FBXO16: variants seen among roughly 807,000 people sequenced by gnomAD.
The protein encoded by FBXO16 is F-box only protein 16.
FBXO16 carries 31 observed loss-of-function variants against 41.0 expected under a neutral mutation model. The observed-to-expected ratio is 0.76, with a 90% confidence interval of 0.57 to 1.02. FBXO16 has a LOEUF of 1.02. Ranked by LOEUF, FBXO16 falls within the 50% of genes least tolerant of loss-of-function variation. FBXO16 has a pLI of 0.00. For missense variants in FBXO16, 361 were observed against 346.2 expected, an observed-to-expected ratio of 1.04 and a Z score of -0.34; for synonymous variants, 133 against 117.8, an observed-to-expected ratio of 1.13 and a Z score of -0.84.
intron 1 of FBXO16, among the ~76,000 whole-genome samples, chr8:28,489,202 C>T (rs1434276456): frequency 1.3e-5 from 2 of 151,508 alleles, no homozygotes; most frequent in Non-Finnish European, 2.9e-5. Context: ...ATTAGCAGAG[C>T]GTGGTGGTGT....
Position 28,473,869 on chromosome 8 carries a change from A to T in FBXO16, c.100-62T>A, listed in dbSNP as rs79868079. On this transcript the variant is annotated intron_variant, in intron 2 of 8. Transcript: ENST00000380254. ...ACCATAGTTCAAAATACCCATTACA[A>T]GAAAGATACCATTAAGGGATCGGTG... The T allele has an allele frequency of 6.6e-3, 8,214 of 1,239,526 alleles. 362 individuals are homozygous for T. In the African/African-American group the frequency reaches 0.099, roughly 15 times the overall value. 76.8% of individuals were successfully genotyped at this position (1,239,526 alleles called of 1,614,324 possible). A position where few individuals can be genotyped will look rare whatever the true frequency, so the allele number is the denominator to read the frequency against.
At chr8:28,489,642 G>A (rs1396555720) in intron 1 of FBXO16, among the ~76,000 whole-genome samples, 2 of 151,534 alleles carry the variant, frequency 1.3e-5, no homozygotes, top group African/African-American at 2.4e-5. Flanking sequence ...CAAGGCTGCA[G>A]TGAGCGATGA....
rs1278825099 is a variant in FBXO16, at chr8:28,452,341, C to T, written c.643G>A (p.Ala215Thr). The T allele has an allele frequency of 5.6e-6, 9 of 1,614,172 alleles. No homozygotes were observed. The highest frequency in any genetic ancestry group is 6.8e-6 in the Non-Finnish European group (8 of 1,180,042). ...LRKKNNSGEK[A>T]LPPWRSSDKH... ...TCAGAAGATCGCCAGGGTGGAAGTG[C>T]TTTCTCCCCTGAGTTATTCTTCTTT... The change falls in exon 6 of 9, where the codon GCA (alanine) becomes ACA (threonine). Residue 215 changes from alanine to threonine, a missense_variant. Coordinates refer to ENST00000380254, the MANE Select transcript of FBXO16 (RefSeq NM_172366.4).
chr8:28,463,494 G>A, intron 4 of FBXO16, 118 bp downstream of exon 4: 1 of 947,066 alleles, frequency 1.1e-6, no homozygotes, highest in South Asian at 1.7e-5. Context: ...GTGTTTGTGT[G>A]TATGTGTATA....
chr8:28,441,940 G>A (rs1468991539), intron 7 of FBXO16, among the ~76,000 whole-genome samples: 10,610 of 137,840 alleles, frequency 0.077, 1,425 homozygotes, highest in African/African-American at 0.27. Flanking sequence ...GTGTGTGTGT[G>A]TGTGTATTTT....
At chr8:28,477,572 G>A (rs1803442467) in intron 2 of FBXO16, among the ~76,000 whole-genome samples, 1 of 152,194 alleles carries the variant, frequency 6.6e-6, no homozygotes, top group African/African-American at 2.4e-5. Context: ...ATGTATGGGT[G>A]TGTGTGTATG....
chr8:28,452,171 C>T lies in FBXO16; in HGVS notation c.740+73G>A, dbSNP rs931470730. Reference sequence around the variant, plus strand: ...ATTTCACAGTAAGTTCTATTTCCATCTCTTCGTATACTGAAATGCCAATAA... The same window carrying T: ...ATTTCACAGTAAGTTCTATTTCCATTTCTTCGTATACTGAAATGCCAATAA... On this transcript the variant is annotated intron_variant, in intron 6 of 8. Transcript: ENST00000380254. 2.9e-6 allele frequency: 4 copies of T among 1,384,008 alleles called. No individual in the cohort carries two copies. In the African/African-American group the frequency reaches 5.8e-5, roughly 20 times the overall value. 85.7% of individuals were successfully genotyped at this position (1,384,008 alleles called of 1,614,324 possible).
intron 7 of FBXO16, among the ~76,000 whole-genome samples, chr8:28,429,713 G>C (rs1465599283): frequency 6.6e-6 from 1 of 152,154 alleles, no homozygotes; most frequent in Non-Finnish European, 1.5e-5. Flanking sequence ...GTAAGTCTAT[G>C]AAAATCCTAC....
intron 3 of FBXO16, among the ~76,000 whole-genome samples, chr8:28,470,441 T>C (rs1398621369): frequency 1.3e-5 from 2 of 152,222 alleles, no homozygotes; most frequent in African/African-American, 4.8e-5. Context: ...CCTTTTCATG[T>C]TCTAAATGAA....
At chr8:28,473,487 C>G (rs1778183823) in intron 3 of FBXO16, among the ~76,000 whole-genome samples, 1 of 152,084 alleles carries the variant, frequency 6.6e-6, no homozygotes, top group Admixed American at 6.5e-5. Flanking sequence ...AAGAAGACCC[C>G]AGATAATTCA....
chr8:28,483,727 G>A lies in FBXO16; in HGVS notation c.-16-265C>T, dbSNP rs563587632. 5.9e-5 allele frequency among the ~76,000 whole-genome samples: 9 copies of A among 152,224 alleles called. No individual in the cohort carries two copies. The East Asian group carries it at 1.7e-3, about 29-fold the overall frequency. ...TAGCCGGGCGTGGTGGTGCATGCCT[G>A]TAATCACAGCTACTAGGCAGGAGAG... On this transcript the variant is annotated intron_variant, in intron 1 of 8. Transcript: ENST00000380254.
At chr8:28,474,249 T>C (rs1585917252) in intron 2 of FBXO16, among the ~76,000 whole-genome samples, 1 of 132,738 alleles carries the variant, frequency 7.5e-6, no homozygotes, top group African/African-American at 2.9e-5. Context: ...GCCCGGGGAG[T>C]TGAGGCTGCA....
At chr8:28,454,742 AAAAAAAAAAGG>A (rs1291461916) in intron 5 of FBXO16, among the ~76,000 whole-genome samples, 3 of 104,978 alleles carry the variant, frequency 2.9e-5, no homozygotes, top group African/African-American at 1.2e-4. Context: ...AAAAAAAAAA[AAAAAAAAAAGG>A]ATCATTAATT....
intron 3 of FBXO16, 42 bp downstream of exon 3, chr8:28,473,730 A>T (rs781399169): frequency 6.5e-7 from 1 of 1,538,728 alleles, no homozygotes; most frequent in African/African-American, 1.4e-5. Context: ...ATGAAAACAG[A>T]TAACATAACA....
intron 4 of FBXO16, among the ~76,000 whole-genome samples, chr8:28,463,248 TTG>T (rs540563982): frequency 4.6e-4 from 69 of 151,016 alleles, no homozygotes; most frequent in East Asian, 1.8e-3. Context: ...GTGTACACGT[TTG>T]TGTGTTTGTG....
intron 3 of FBXO16, among the ~76,000 whole-genome samples, chr8:28,472,153 G>A: frequency 6.6e-6 from 1 of 152,120 alleles, no homozygotes; most frequent in Non-Finnish European, 1.5e-5. Flanking sequence ...GAGTGCACCA[G>A]TGCAACAGCT....
chr8:28,465,365 G>A (rs184693524), intron 3 of FBXO16: 248 of 449,846 alleles, frequency 5.5e-4, no homozygotes, highest in Middle Eastern at 9.8e-4. Context: ...GCTCATGTCT[G>A]TAATCTCAGC....
intron 7 of FBXO16, among the ~76,000 whole-genome samples, chr8:28,438,035 G>A (rs1341226787): frequency 6.6e-6 from 1 of 152,172 alleles, no homozygotes; most frequent in Non-Finnish European, 1.5e-5. Context: ...GACTATAAGG[G>A]CCAGGTGCAG....
intron 1 of FBXO16, among the ~76,000 whole-genome samples, chr8:28,489,716 C>CCA (rs1554529610): frequency 0.28 from 24,421 of 88,150 alleles, 2,502 homozygotes; most frequent in Non-Finnish European, 0.36. Context: ...CAAAAACCAA[C>CCA]AAAAAAAAAA....
Sources: allele counts gnomAD v4.1 joint callset (sites outside exome capture counted in the v4.1 genomes callset), GRCh38; gene constraint gnomAD v4.1.1; transcripts MANE v1.5; gene names NCBI Gene and HGNC (gene_info 2026-07-23, HGNC 2026-07-21).